The following SLC24A2 variants were observed in gnomAD, a reference collection of about 807,000 sequenced individuals.
SLC24A2 encodes the protein solute carrier family 24 member 2.
A neutral mutation model predicts 62.0 loss-of-function variants in SLC24A2; 36 were observed. The ratio of observed to expected loss-of-function variants is 0.58; its 90% CI spans 0.44 to 0.77. The LOEUF (loss-of-function observed/expected upper bound fraction) is 0.77. Among genes scored for constraint, SLC24A2 ranks in the 30% least tolerant of loss-of-function variants. The pLI is 0.00. For missense variants in SLC24A2, 846 were observed against 817.9 expected (o/e 1.03, Z -0.42); for synonymous variants, 358 against 294.0 (o/e 1.22, Z -2.23).
the SLC24A2 span, among the ~76,000 whole-genome samples, chr9:19,849,535 G>A: frequency 2.0e-5 from 3 of 152,098 alleles, no homozygotes; most frequent in Non-Finnish European, 4.4e-5. Context: ...GTTTGTGAAT[G>A]TTTCAATAGA....
chr9:20,161,074 C>A, the SLC24A2 span, among the ~76,000 whole-genome samples: 1 of 151,246 alleles, frequency 6.6e-6, no homozygotes, highest in Non-Finnish European at 1.5e-5. Context: ...ATGGATAAAA[C>A]TTCTTTAAAA....
rs570080863 is a variant in SLC24A2, at chr9:19,514,100, C to T, written c.*2053G>A. The T allele has an allele frequency of 6.6e-6, 1 of 152,302 alleles. No homozygotes were observed. Among genetic ancestry groups the T allele is most frequent in the African/African-American group, 2.4e-5 (1 of 41,558 alleles). 9.4% of individuals were successfully genotyped at this position (152,302 alleles called of 1,614,324 possible). A position where few individuals can be genotyped will look rare whatever the true frequency, so the allele number is the denominator to read the frequency against. On this transcript the variant is annotated 3_prime_UTR_variant, in exon 11 of 11. Coordinates refer to ENST00000341998, the MANE Select transcript of SLC24A2 (RefSeq NM_020344.4). ...TTGATTTCTTGTTTTCCCAGGGGGC[C>T]TCGGGTTTGAAGTGCTTTTTACTTC... is the stretch of plus-strand genomic sequence containing the variant.
At chr9:20,005,888 G>C in the SLC24A2 span, among the ~76,000 whole-genome samples, 1 of 144,468 alleles carries the variant, frequency 6.9e-6, no homozygotes, top group African/African-American at 2.6e-5. Context: ...AGACAGAAAA[G>C]AAACAAGTTT....
chr9:19,941,620 T>C, the SLC24A2 span, among the ~76,000 whole-genome samples: 3 of 128,198 alleles, frequency 2.3e-5, no homozygotes. Context: ...AAAGAGAGAG[T>C]TGTAGAAACG....
the SLC24A2 span, among the ~76,000 whole-genome samples, chr9:19,917,054 A>G: frequency 2.4e-5 from 3 of 123,436 alleles, no homozygotes; most frequent in Non-Finnish European, 3.3e-5. Flanking sequence ...TGGAAGCTTC[A>G]GATTTTCCTT....
At chr9:19,577,055 C>T in intron 5 of SLC24A2, 33 bp from the exon 6 acceptor site, 1 of 1,568,558 alleles carries the variant, frequency 6.4e-7, no homozygotes, top group Non-Finnish European at 8.8e-7. Flanking sequence ...GAAGGAGACA[C>T]AATGAGAAAG....
At chr9:19,827,287 T>C in the SLC24A2 span, among the ~76,000 whole-genome samples, 1 of 152,110 alleles carries the variant, frequency 6.6e-6, no homozygotes, top group South Asian at 2.1e-4. Context: ...TTTAGTCAAA[T>C]GAGCTGTTTA....
At chr9:19,707,762 A>G (rs138892580) in intron 2 of SLC24A2, among the ~76,000 whole-genome samples, 1,985 of 152,296 alleles carry the variant, frequency 0.013, 44 homozygotes, top group African/African-American at 0.046. Context: ...TCTCAAAATA[A>G]TAAGAGCTAT....
chr9:19,922,879 T>C, the SLC24A2 span, among the ~76,000 whole-genome samples: 7 of 151,836 alleles, frequency 4.6e-5, no homozygotes, highest in African/African-American at 1.7e-4. Flanking sequence ...ACACATTAGA[T>C]ATTAACTTTT....
intron 2 of SLC24A2, among the ~76,000 whole-genome samples, chr9:19,718,890 G>C (rs1820943750): frequency 6.6e-6 from 1 of 152,166 alleles, no homozygotes; most frequent in Admixed American, 6.5e-5. Flanking sequence ...CTGGTTTCTT[G>C]CCGTTTGAGA....
the SLC24A2 span, among the ~76,000 whole-genome samples, chr9:20,260,845 C>CTTTTTTTTTTTTTTTTTTTTTT: frequency 1.8e-5 from 2 of 110,538 alleles, 1 homozygote; most frequent in African/African-American, 7.4e-5. Flanking sequence ...ACGTATCATT[C>CTTTTTTTTTTTTTTTTTTTTTT]TTTCTTTTTT....
the SLC24A2 span, among the ~76,000 whole-genome samples, chr9:20,001,482 G>C: frequency 1.3e-5 from 2 of 152,194 alleles, no homozygotes; most frequent in African/African-American, 2.4e-5. Flanking sequence ...GCTGAGCTGA[G>C]AATAAGCATA....
chr9:19,930,499 T>C, the SLC24A2 span, among the ~76,000 whole-genome samples: 1 of 152,146 alleles, frequency 6.6e-6, no homozygotes, highest in Non-Finnish European at 1.5e-5. Context: ...ATTTCTCAGA[T>C]TGTGTCCCCA....
At chr9:20,033,494 G>A in the SLC24A2 span, among the ~76,000 whole-genome samples, 1 of 152,214 alleles carries the variant, frequency 6.6e-6, no homozygotes, top group Non-Finnish European at 1.5e-5. Flanking sequence ...TTAGTAGACA[G>A]GTGGAGGGTA....
the SLC24A2 span, among the ~76,000 whole-genome samples, chr9:19,879,289 T>A: frequency 6.6e-6 from 1 of 151,890 alleles, no homozygotes; most frequent in East Asian, 1.9e-4. Context: ...GAGAGGAGAC[T>A]GATGGTGGTA....
the SLC24A2 span, among the ~76,000 whole-genome samples, chr9:20,074,595 AAGGAAGGAAAGAAGGGAGTG>A: frequency 1.1e-5 from 1 of 88,708 alleles, no homozygotes; most frequent in African/African-American, 4.6e-5. Flanking sequence ...GGAAGGAAGG[AAGGAAGGAAAGAAGGGAGTG>A]AGGGAGGGAG....
At chr9:20,260,770 T>C in the SLC24A2 span, among the ~76,000 whole-genome samples, 8 of 151,634 alleles carry the variant, frequency 5.3e-5, no homozygotes, top group Non-Finnish European at 1.2e-4. Context: ...GTGTACACTG[T>C]ACCCAATGTG....
At chr9:20,034,813 C>T in the SLC24A2 span, among the ~76,000 whole-genome samples, 5 of 152,122 alleles carry the variant, frequency 3.3e-5, no homozygotes, top group Non-Finnish European at 5.9e-5. Context: ...TAAAATGGAA[C>T]TAGCACTGAT....
the SLC24A2 span, among the ~76,000 whole-genome samples, chr9:19,983,307 T>C: frequency 6.6e-6 from 1 of 152,160 alleles, no homozygotes; most frequent in Non-Finnish European, 1.5e-5. Context: ...CTACTAGAGC[T>C]ACTAGACTTC....
Sources: allele counts gnomAD v4.1 joint callset (sites outside exome capture counted in the v4.1 genomes callset), GRCh38; gene constraint gnomAD v4.1.1; transcripts MANE v1.5; gene names NCBI Gene and HGNC (gene_info 2026-07-23, HGNC 2026-07-21).